The following DMAC1 variants were observed in gnomAD, a reference collection of about 807,000 sequenced individuals.
DMAC1 encodes the protein distal membrane arm assembly component 1, also known as distal membrane-arm assembly complex protein 1.
Under a neutral mutation model 7.0 loss-of-function variants are expected in DMAC1, and 10 were observed. That is an observed-to-expected ratio of 1.43 (90% confidence interval 0.88 to 2.43). DMAC1 has a LOEUF of 2.43. DMAC1 is among the 30% of genes most tolerant of loss of function. The pLI, the probability that DMAC1 is intolerant of heterozygous loss-of-function variation, is 0.00. For synonymous variants in DMAC1, 92 were observed against 66.2 expected (o/e 1.39, Z -1.90); for missense variants, 219 against 158.7 (o/e 1.38, Z -2.04).
chr9:7,796,768 A>T lies in DMAC1; in HGVS notation c.*1805T>A, dbSNP rs1003832153. Reference sequence around the variant, plus strand: ...CTACCTAACGAATAGTGAATATATTACTTCCTTAATAACATTTTTTTTTTC... The same window carrying T: ...CTACCTAACGAATAGTGAATATATTTCTTCCTTAATAACATTTTTTTTTTC... On this transcript the variant is annotated 3_prime_UTR_variant, in exon 2 of 2. Transcript: ENST00000358227. The T allele has an allele frequency of 8.7e-6, 1 of 114,740 alleles. No homozygotes were observed. The highest frequency in any genetic ancestry group is 9.5e-5 in the Admixed American group (1 of 10,562). The allele number at this position is 114,740 out of a possible 1,614,324, so 7.1% of individuals were successfully genotyped here.
intron 1 of DMAC1, among the ~76,000 whole-genome samples, chr9:7,798,868 A>T (rs2049223237): frequency 6.6e-6 from 1 of 152,158 alleles, no homozygotes; most frequent in Admixed American, 6.5e-5. Context: ...ACAGTTAGAA[A>T]CCTAAAATTC....
At position 7,798,538 on chromosome 9, in the gene DMAC1, G is replaced by A; in HGVS notation, c.*35C>T. ...CTGCTGTGTGTGTCACGGGGAAAGG[G>A]ACAGAGACAGAAGACAGATTCACTG... On this transcript the variant is annotated 3_prime_UTR_variant, in exon 2 of 2. Transcript: ENST00000358227. 6.2e-7 allele frequency: 1 copy of A among 1,610,714 alleles called. No individual in the cohort carries two copies. The highest frequency in any genetic ancestry group is 1.1e-5 in the South Asian group (1 of 91,016).
chr9:7,796,546 C>T lies in DMAC1; in HGVS notation c.*2027G>A, dbSNP rs999647127. 1.5e-4 allele frequency: 23 copies of T among 152,254 alleles called. No homozygotes were observed. In the East Asian group the frequency reaches 3.7e-3, roughly 24 times the overall value. The allele number at this position is 152,254 out of a possible 1,614,324, so 9.4% of individuals were successfully genotyped here. On this transcript the variant is annotated 3_prime_UTR_variant, in exon 2 of 2. Coordinates refer to ENST00000358227, the MANE Select transcript of DMAC1 (RefSeq NM_033428.3). ...TATTCAGAAAAAGCTCAGATTCATA[C>T]TCGTAAAAGTCTGAGAAAAACATTA...
In DMAC1 at chr9:7,796,853, A is replaced by C. The variant is rs748160805; in HGVS notation, c.*1720T>G. 6.6e-6 allele frequency: 1 copy of C among 151,906 alleles called. No individual in the cohort carries two copies. Among genetic ancestry groups the C allele is most frequent in the South Asian group, 2.1e-4 (1 of 4,818 alleles). 9.4% of individuals were successfully genotyped at this position (151,906 alleles called of 1,614,324 possible). Reference sequence around the variant, plus strand: ...ATACATACAACACAAAAAATGTGTTAATCAACTGCTTTATGTTATCAATAA... The same window carrying C: ...ATACATACAACACAAAAAATGTGTTCATCAACTGCTTTATGTTATCAATAA... On this transcript the variant is annotated 3_prime_UTR_variant, in exon 2 of 2. Coordinates refer to ENST00000358227, the MANE Select transcript of DMAC1 (RefSeq NM_033428.3).
intron 1 of DMAC1, 53 bp downstream of exon 1, chr9:7,799,408 T>C: frequency 1.3e-6 from 2 of 1,590,914 alleles, no homozygotes; most frequent in Non-Finnish European, 1.7e-6. Flanking sequence ...TCCGTTTCCT[T>C]CCTCTACCCC....
chr9:7,796,689 C>T lies in DMAC1; in HGVS notation c.*1884G>A, dbSNP rs1050330242. 1 of 152,212 alleles carries T rather than the reference C, an allele frequency of 6.6e-6. No homozygotes were observed. Among genetic ancestry groups the T allele is most frequent in the Non-Finnish European group, 1.5e-5 (1 of 68,046 alleles). 9.4% of individuals were successfully genotyped at this position (152,212 alleles called of 1,614,324 possible). A position where few individuals can be genotyped will look rare whatever the true frequency, so the allele number is the denominator to read the frequency against. ...GACAGAAAGACCAACTCCTCTTGCT[C>T]CTCAGACTACTCAGCGTGAAGATGA... On this transcript the variant is annotated 3_prime_UTR_variant, in exon 2 of 2. Transcript: ENST00000358227.
rs749369110 is a variant in DMAC1, at chr9:7,798,528, C to G, written c.*45G>C. ...AATTCCATGCCTGCTGTGTGTGTCA[C>G]GGGGAAAGGGACAGAGACAGAAGAC... On this transcript the variant is annotated 3_prime_UTR_variant, in exon 2 of 2. Transcript: ENST00000358227. The G allele has an allele frequency of 6.2e-7, 1 of 1,605,874 alleles. No individual in the cohort carries two copies. The highest frequency in any genetic ancestry group is 1.3e-5 in the African/African-American group (1 of 74,864).
chr9:7,796,586 T>C lies in DMAC1; in HGVS notation c.*1987A>G, dbSNP rs1374856621. Reference sequence around the variant, plus strand: ...GAAAAACATTAAAATGCTATTACAATACAGTTGACCCAAACAACACAGGTT... The same window carrying C: ...GAAAAACATTAAAATGCTATTACAACACAGTTGACCCAAACAACACAGGTT... On this transcript the variant is annotated 3_prime_UTR_variant, in exon 2 of 2. Coordinates refer to ENST00000358227, the MANE Select transcript of DMAC1 (RefSeq NM_033428.3). 5 of 152,162 alleles carry C rather than the reference T, an allele frequency of 3.3e-5. No individual in the cohort carries two copies. Among genetic ancestry groups the C allele is most frequent in the Admixed American group, 1.3e-4 (2 of 15,272 alleles). 9.4% of individuals were successfully genotyped at this position (152,162 alleles called of 1,614,324 possible). A position where few individuals can be genotyped will look rare whatever the true frequency, so the allele number is the denominator to read the frequency against.
rs553896593 is a variant in DMAC1, at chr9:7,799,624, G to A, written c.111C>T (p.Ser37=). 2.5e-6 allele frequency: 4 copies of A among 1,613,218 alleles called. No individual in the cohort carries two copies. Among genetic ancestry groups the A allele is most frequent in the Admixed American group, 3.3e-5 (2 of 60,020 alleles). ...APPATPGAPT[S]PAEHRLLKTC... ...TCTTCAACAGGCGGTGTTCTGCTGG[G>A]GAGGTCGGCGCTCCGGGTGTAGCTG... The change falls in exon 1 of 2, where the codon TCC becomes TCT. Residue 37 remains serine, a synonymous_variant. Coordinates refer to ENST00000358227, the MANE Select transcript of DMAC1 (RefSeq NM_033428.3).
chr9:7,798,391 C>T lies in DMAC1; in HGVS notation c.*182G>A, dbSNP rs1225272040. ...TGGTTCCTGTGAAATCTGTGAAGGC[C>T]ACAAACACTCCATAGCCAGAGAATG... On this transcript the variant is annotated 3_prime_UTR_variant, in exon 2 of 2. Coordinates refer to ENST00000358227, the MANE Select transcript of DMAC1 (RefSeq NM_033428.3). The T allele has an allele frequency of 4.5e-6, 3 of 662,944 alleles. No individual in the cohort carries two copies. The African/African-American group carries it at 5.3e-5, about 12-fold the overall frequency. The allele number at this position is 662,944 out of a possible 1,614,324, so 41.1% of individuals were successfully genotyped here.
In DMAC1 at chr9:7,797,182, T is replaced by C. The variant is rs1486630454; in HGVS notation, c.*1391A>G. On this transcript the variant is annotated 3_prime_UTR_variant, in exon 2 of 2. Coordinates refer to ENST00000358227, the MANE Select transcript of DMAC1 (RefSeq NM_033428.3). ...GGTATTTTAGGTATATGAATGACCA[T>C]ATGTATCTGCTTTGGGTCATCCATG... The C allele has an allele frequency of 1.3e-5, 2 of 152,250 alleles. No homozygotes were observed. Among genetic ancestry groups the C allele is most frequent in the Non-Finnish European group, 2.9e-5 (2 of 68,050 alleles). The allele number at this position is 152,250 out of a possible 1,614,324, so 9.4% of individuals were successfully genotyped here.
At position 7,799,770 on chromosome 9, in the gene DMAC1, G is replaced by C. The variant is rs368978298; in HGVS notation, c.-36C>G. On this transcript the variant is annotated 5_prime_UTR_variant, in exon 1 of 2. Transcript: ENST00000358227. Reference sequence around the variant, plus strand: ...TCGGCCTCAACCTTGGGCGTCTTTGGTTCAAACTGGCGTAAACGACGCACC... The same window carrying C: ...TCGGCCTCAACCTTGGGCGTCTTTGCTTCAAACTGGCGTAAACGACGCACC... 3 of 1,496,122 alleles carry C rather than the reference G, an allele frequency of 2.0e-6. No individual in the cohort carries two copies. Among genetic ancestry groups the C allele is most frequent in the Non-Finnish European group, 2.7e-6 (3 of 1,128,714 alleles). 92.7% of individuals were successfully genotyped at this position (1,496,122 alleles called of 1,614,324 possible).
Position 7,799,701 on chromosome 9 carries a change from A to G in DMAC1, c.34T>C (p.Tyr12His). 6.4e-7 allele frequency: 1 copy of G among 1,573,724 alleles called. No individual in the cohort carries two copies. The highest frequency in any genetic ancestry group is 8.6e-7 in the Non-Finnish European group (1 of 1,163,558). Residue 12 changes from tyrosine to histidine, a missense_variant, in exon 1 of 2, where the codon TAT becomes CAT. Tyr to His is a moderately conservative substitution (Grantham distance 83). Coordinates refer to ENST00000358227, the MANE Select transcript of DMAC1 (RefSeq NM_033428.3). ...GSRLSQPFESYITAPPGTAAA... is the reference protein window; with the variant it reads ...GSRLSQPFESHITAPPGTAAA... ...GCGGTACCGGGAGGCGCAGTGATAT[A>G]GGACTCAAAAGGCTGGGACAACCGA... is the stretch of plus-strand genomic sequence containing the variant.
Position 7,797,586 on chromosome 9 carries a change from C to A in DMAC1, c.*987G>T, listed in dbSNP as rs1818634824. On this transcript the variant is annotated 3_prime_UTR_variant, in exon 2 of 2. Transcript: ENST00000358227. Reference sequence around the variant, plus strand: ...CCATAGTATCTCAGGGTAGAAAAACCCAATAGGTAGAAAACATGGCCTTCT... The same window carrying A: ...CCATAGTATCTCAGGGTAGAAAAACACAATAGGTAGAAAACATGGCCTTCT... The A allele has an allele frequency of 6.6e-6, 1 of 152,032 alleles. No individual in the cohort carries two copies. Among genetic ancestry groups the A allele is most frequent in the Non-Finnish European group, 1.5e-5 (1 of 68,008 alleles). The allele number at this position is 152,032 out of a possible 1,614,324, so 9.4% of individuals were successfully genotyped here.
Position 7,799,753 on chromosome 9 carries a change from A to C in DMAC1, c.-19T>G. The C allele has an allele frequency of 6.6e-7, 1 of 1,505,974 alleles. No individual in the cohort carries two copies. The highest frequency in any genetic ancestry group is 8.8e-7 in the Non-Finnish European group (1 of 1,132,888). The allele number at this position is 1,505,974 out of a possible 1,614,324, so 93.3% of individuals were successfully genotyped here. ...ACCCCATGCTCTGGAACTCGGCCTC[A>C]ACCTTGGGCGTCTTTGGTTCAAACT... is the stretch of plus-strand genomic sequence containing the variant. On this transcript the variant is annotated 5_prime_UTR_variant, in exon 1 of 2. Coordinates refer to ENST00000358227, the MANE Select transcript of DMAC1 (RefSeq NM_033428.3).
In DMAC1 at chr9:7,796,936, T is replaced by C. The variant is rs897466124; in HGVS notation, c.*1637A>G. 6 of 151,124 alleles carry C rather than the reference T, an allele frequency of 4.0e-5. No homozygotes were observed. Among genetic ancestry groups the C allele is most frequent in the African/African-American group, 7.2e-5 (3 of 41,396 alleles). The allele number at this position is 151,124 out of a possible 1,614,324, so 9.4% of individuals were successfully genotyped here. A position where few individuals can be genotyped will look rare whatever the true frequency, so the allele number is the denominator to read the frequency against. On this transcript the variant is annotated 3_prime_UTR_variant, in exon 2 of 2. Coordinates refer to ENST00000358227, the MANE Select transcript of DMAC1 (RefSeq NM_033428.3). The stretch of plus-strand genomic sequence containing the variant: ...TAAGTTTTTGAGGAGTCAGGTTATA[T>C]GCAGATTCTCCACTGAGCAAATGTT...
chr9:7,798,723 CACA>C, intron 1 of DMAC1, 86 bp from the exon 2 acceptor site: 1 of 1,119,520 alleles, frequency 8.9e-7, no homozygotes, highest in South Asian at 1.8e-5. Flanking sequence ...ATTTAACCCT[CACA>C]ACACTTCTGG....
At chr9:7,799,281 TAA>T (rs1201684409) in intron 1 of DMAC1, among the ~76,000 whole-genome samples, 178 bp downstream of exon 1, 8 of 140,196 alleles carry the variant, frequency 5.7e-5, no homozygotes, top group Admixed American at 1.4e-4. Context: ...AACTTAAAAT[TAA>T]AAAAAAAAAA....
Position 7,798,729 on chromosome 9 carries a change from A to C in DMAC1, c.275-92T>G. 4.8e-6 allele frequency: 5 copies of C among 1,032,416 alleles called. No homozygotes were observed. The African/African-American group carries it at 7.9e-5, about 16-fold the overall frequency. 64.0% of individuals were successfully genotyped at this position (1,032,416 alleles called of 1,614,324 possible). ...CGCCATCTTATTTAACCCTCACAACACTTCTGGAGGATATATTACCATTGT... is the reference window on the plus strand; with the variant it reads ...CGCCATCTTATTTAACCCTCACAACCCTTCTGGAGGATATATTACCATTGT... On this transcript the variant is annotated intron_variant, in intron 1 of 1. Transcript: ENST00000358227.
Sources: allele counts gnomAD v4.1 joint callset (sites outside exome capture counted in the v4.1 genomes callset), GRCh38; gene constraint gnomAD v4.1.1; transcripts MANE v1.5; gene names NCBI Gene and HGNC (gene_info 2026-07-23, HGNC 2026-07-21).